ASTN1: variants seen among roughly 807,000 people sequenced by gnomAD.
The protein encoded by ASTN1 is astrotactin-1.
ASTN1 carries 41 observed loss-of-function variants against 140.7 expected under a neutral mutation model. The ratio of observed to expected loss-of-function variants is 0.29; its 90% confidence interval spans 0.23 to 0.38. ASTN1 has a LOEUF of 0.38. Among genes scored for constraint, ASTN1 ranks in the 10% least tolerant of loss-of-function variants. The pLI is 1.00. For synonymous variants in ASTN1, 640 were observed against 652.2 expected, an observed-to-expected ratio of 0.98 and a Z score of 0.29; for missense variants, 1,479 against 1,678.8, an observed-to-expected ratio of 0.88 and a Z score of 2.08.
Position 176,868,849 on chromosome 1 carries a change from A to G in ASTN1, c.3642T>C (p.Gly1214=). ...EFTWRCEDEL[G]PRKAGLILSQ... ...TGACTTAGTTTATTGATTACCTGGG[A>G]CCTAACTCATCCTCACATCGCCAGG... The change falls in exon 22 of 23, where the codon GGT becomes GGC. Residue 1214 remains glycine (G), a synonymous_variant. Transcript: ENST00000361833. 1 of 1,602,746 alleles carries G rather than the reference A, an allele frequency of 6.2e-7. No individual in the cohort carries two copies. The highest frequency in any genetic ancestry group is 1.1e-5 in the South Asian group (1 of 88,924).
chr1:177,020,429 T>G (rs926024184), intron 7 of ASTN1, among the ~76,000 whole-genome samples: 1 of 152,200 alleles, frequency 6.6e-6, no homozygotes, highest in Non-Finnish European at 1.5e-5. Flanking sequence ...CCTTGGCTCA[T>G]GCCTCCTTCC....
chr1:176,879,937 CATGTGGAA>C (rs1668718001), intron 20 of ASTN1, among the ~76,000 whole-genome samples: 1 of 152,174 alleles, frequency 6.6e-6, no homozygotes, highest in African/African-American at 2.4e-5. Flanking sequence ...TTACACATTT[CATGTGGAA>C]ATGCCATGTG....
intron 11 of ASTN1, among the ~76,000 whole-genome samples, chr1:176,955,510 C>G (rs1672364652): frequency 6.6e-6 from 1 of 152,262 alleles, no homozygotes; most frequent in African/African-American, 2.4e-5. Flanking sequence ...TCTCCAGAAG[C>G]CACGTGGTCC....
rs539511553 is a variant in ASTN1, at chr1:176,871,200, G to A, written c.3464-2173C>T. The stretch of plus-strand genomic sequence containing the variant: ...GGGAATCCTAGTAGCTGTGCAGGGG[G>A]TCTGTCATTTCTGAAGTTGAGACAA... On this transcript the variant is annotated intron_variant, in intron 21 of 22. Transcript: ENST00000361833. Among the ~76,000 whole-genome samples the A allele has an allele frequency of 4.6e-5, 7 of 152,246 alleles. No individual in the cohort carries two copies. In the South Asian group the frequency reaches 1.5e-3, roughly 32 times the overall value.
intron 1 of ASTN1, among the ~76,000 whole-genome samples, chr1:177,076,268 G>T (rs1571747524): frequency 9.5e-6 from 1 of 105,070 alleles, no homozygotes; most frequent in Non-Finnish European, 1.9e-5. Flanking sequence ...GACAGAGCGA[G>T]ACTATGTCTC....
chr1:176,860,411 T>A (rs1167856505), downstream of ASTN1, among the ~76,000 whole-genome samples: 3 of 152,226 alleles, frequency 2.0e-5, no homozygotes, highest in Non-Finnish European at 2.9e-5. Flanking sequence ...ACTTACCACC[T>A]GATTGTTGAA....
chr1:176,924,938 C>A (rs1012520407), intron 16 of ASTN1, among the ~76,000 whole-genome samples: 1 of 152,118 alleles, frequency 6.6e-6, no homozygotes, highest in African/African-American at 2.4e-5. Context: ...GCAACCTAGA[C>A]AGAGCTTTCC....
At chr1:177,085,873 A>C (rs1357353555) in intron 1 of ASTN1, among the ~76,000 whole-genome samples, 1 of 151,962 alleles carries the variant, frequency 6.6e-6, no homozygotes, top group African/African-American at 2.4e-5. Flanking sequence ...TGGGAACTAC[A>C]GACCTACACC....
chr1:176,955,358 T>C (rs1472511453), intron 11 of ASTN1, among the ~76,000 whole-genome samples: 1 of 152,184 alleles, frequency 6.6e-6, no homozygotes, highest in Non-Finnish European at 1.5e-5. Context: ...AGGTCAAGTT[T>C]CTGACCTTCT....
intron 1 of ASTN1, among the ~76,000 whole-genome samples, chr1:177,153,831 C>T (rs936160053): frequency 3.3e-5 from 5 of 152,088 alleles, no homozygotes; most frequent in Admixed American, 1.3e-4. Context: ...TAACCTCCCT[C>T]GTATCTAAAA....
rs138876523 is a variant in ASTN1 at position 177,073,920 on chromosome 1, T to A, written c.284-12655A>T. ...ATTATTAGTAATATTAATATTATCATTAAAGATTAGTGACAAGAATAACCT... is the reference window on the plus strand; with the variant it reads ...ATTATTAGTAATATTAATATTATCAATAAAGATTAGTGACAAGAATAACCT... On this transcript the variant is annotated intron_variant, in intron 1 of 22. Coordinates refer to ENST00000361833, the MANE Select transcript of ASTN1 (RefSeq NM_004319.3). 1.3e-3 allele frequency among the ~76,000 whole-genome samples: 196 copies of A among 152,048 alleles called. 1 individual carries two copies. Among genetic ancestry groups the A allele is most frequent in the African/African-American group, 4.0e-3 (166 of 41,468 alleles).
At chr1:176,875,943 C>T (rs868762739) in intron 21 of ASTN1, among the ~76,000 whole-genome samples, 1 of 152,244 alleles carries the variant, frequency 6.6e-6, no homozygotes, top group Non-Finnish European at 1.5e-5. Flanking sequence ...AAAAGGTAAG[C>T]TTTGTGCAAT....
rs75449915 is a variant in ASTN1, at chr1:177,014,991, T to A, written c.1439-116A>T. The A allele has an allele frequency of 1.8e-3, 1,618 of 888,712 alleles. 16 individuals are homozygous for A. The African/African-American group carries it at 0.024, about 13-fold the overall frequency. The allele number at this position is 888,712 out of a possible 1,614,324, so 55.1% of individuals were successfully genotyped here. A position where few individuals can be genotyped will look rare whatever the true frequency, so the allele number is the denominator to read the frequency against. On this transcript the variant is annotated intron_variant, in intron 7 of 22. Transcript: ENST00000361833. ...GTAAACTCTTACTCTGATATTAGCA[T>A]GAATGAGACAGTAAGTTCCATTATG...
At chr1:176,891,568 C>T (rs890368621) in intron 17 of ASTN1, among the ~76,000 whole-genome samples, 15 of 152,100 alleles carry the variant, frequency 9.9e-5, no homozygotes, top group Non-Finnish European at 1.9e-4. Flanking sequence ...TCGAGGCTGG[C>T]GGATCACCTG....
intron 1 of ASTN1, among the ~76,000 whole-genome samples, chr1:177,071,751 G>A (rs1229326260): frequency 6.6e-6 from 1 of 152,054 alleles, no homozygotes. Context: ...GGTATTTTTT[G>A]TCTCTCTGTG....
intron 11 of ASTN1, among the ~76,000 whole-genome samples, 169 bp downstream of exon 11, chr1:176,957,509 C>G (rs1332468316): frequency 6.6e-6 from 1 of 152,150 alleles, no homozygotes; most frequent in Non-Finnish European, 1.5e-5. Flanking sequence ...CTAACTGATT[C>G]ATGATTACCT....
intron 16 of ASTN1, among the ~76,000 whole-genome samples, chr1:176,925,058 C>T (rs1670896892): frequency 6.6e-6 from 1 of 152,144 alleles, no homozygotes; most frequent in Non-Finnish European, 1.5e-5. Context: ...CAATTCCTTC[C>T]AGTGCCTGAG....
At chr1:176,968,459 C>G (rs1275344118) in intron 8 of ASTN1, among the ~76,000 whole-genome samples, 1 of 152,110 alleles carries the variant, frequency 6.6e-6, no homozygotes, top group Admixed American at 6.6e-5. Flanking sequence ...AAGGCCAAAG[C>G]CCCGACACCC....
intron 8 of ASTN1, among the ~76,000 whole-genome samples, chr1:177,008,741 GGAA>G (rs1675135277): frequency 6.6e-6 from 1 of 151,814 alleles, no homozygotes; most frequent in South Asian, 2.1e-4. Context: ...GAGAGAGAGA[GGAA>G]GAAGAATTAA....
Sources: allele counts gnomAD v4.1 joint callset (sites outside exome capture counted in the v4.1 genomes callset), GRCh38; gene constraint gnomAD v4.1.1; transcripts MANE v1.5; gene names NCBI Gene and HGNC (gene_info 2026-07-23, HGNC 2026-07-21).